ACLY: variants seen among roughly 807,000 people sequenced by gnomAD.
ACLY encodes the protein ATP citrate lyase, also known as ATP-citrate synthase.
In ACLY, 41 loss-of-function variants were observed where a neutral mutation model predicts 133.0. The ratio of observed to expected loss-of-function variants is 0.31; its 90% CI spans 0.24 to 0.40. The LOEUF is 0.40. Ranked by LOEUF, ACLY falls within the 10% of genes least tolerant of loss-of-function variation. ACLY has a pLI of 1.00. For missense variants in ACLY, 1,046 were observed against 1,453.8 expected, an observed-to-expected ratio of 0.72 and a Z score of 4.56; for synonymous variants, 495 against 549.3, an observed-to-expected ratio of 0.90 and a Z score of 1.38.
At position 41,907,592 on chromosome 17, in the gene ACLY, A is replaced by G; in HGVS notation, c.617-20T>C. The G allele has an allele frequency of 6.2e-7, 1 of 1,610,496 alleles. No individual in the cohort carries two copies. Among genetic ancestry groups the G allele is most frequent in the Non-Finnish European group, 8.5e-7 (1 of 1,177,006 alleles). Reference sequence around the variant, plus strand: ...TCACTACTTCAAGGGGAGCAGAGGCAATCATCAGACACCGGCTCTGGGTAG... The same window carrying G: ...TCACTACTTCAAGGGGAGCAGAGGCGATCATCAGACACCGGCTCTGGGTAG... On this transcript the variant is annotated intron_variant, in intron 6 of 28. Coordinates refer to ENST00000352035, the MANE Select transcript of ACLY (RefSeq NM_001096.3).
chr17:41,879,243 T>A (rs1555626760), intron 20 of ACLY, among the ~76,000 whole-genome samples: 2 of 151,872 alleles, frequency 1.3e-5, no homozygotes, highest in African/African-American at 4.8e-5. Context: ...GTAGCTAGGA[T>A]TACAGGTGCC....
intron 5 of ACLY, 39 bp downstream of exon 5, chr17:41,909,471 A>G (rs1555633238): frequency 1.2e-6 from 2 of 1,601,364 alleles, no homozygotes; most frequent in African/African-American, 2.7e-5. Flanking sequence ...CGGTCTTCTC[A>G]TCCGAACTGC....
intron 16 of ACLY, among the ~76,000 whole-genome samples, 180 bp downstream of exon 16, chr17:41,892,099 C>T (rs1430303055): frequency 2.0e-5 from 3 of 152,150 alleles, no homozygotes; most frequent in African/African-American, 7.2e-5. Flanking sequence ...TGTCTCCAAC[C>T]ATTTCCACCT....
At chr17:41,876,454 G>A (rs868923342) in intron 22 of ACLY, among the ~76,000 whole-genome samples, 10 of 152,372 alleles carry the variant, frequency 6.6e-5, no homozygotes, top group African/African-American at 2.2e-4. Context: ...TGACAATGGC[G>A]GTTGTGTGGA....
intron 1 of ACLY, among the ~76,000 whole-genome samples, chr17:41,929,412 C>T (rs6503675): frequency 0.72 from 110,013 of 151,992 alleles, 40,417 homozygotes; most frequent in Admixed American, 0.84. Context: ...CTACTTACGT[C>T]TACTGGGCTC....
At chr17:41,905,145 G>C (rs1171521943) in intron 9 of ACLY, among the ~76,000 whole-genome samples, 1 of 152,202 alleles carries the variant, frequency 6.6e-6, no homozygotes, top group Non-Finnish European at 1.5e-5. Context: ...AGGTGGTAAA[G>C]GGGCACTGAG....
intron 11 of ACLY, 41 bp from the exon 12 acceptor site, chr17:41,898,826 A>C: frequency 6.3e-7 from 1 of 1,590,448 alleles, no homozygotes; most frequent in Non-Finnish European, 8.6e-7. Context: ...TCAAGTCTGC[A>C]GATAAGGGCC....
chr17:41,911,241 C>T (rs1214911144), intron 3 of ACLY, among the ~76,000 whole-genome samples: 5 of 152,174 alleles, frequency 3.3e-5, no homozygotes, highest in South Asian at 2.1e-4. Flanking sequence ...TTGCTATTCT[C>T]GAGGCAGCCA....
chr17:41,912,327 G>A, intron 3 of ACLY, 93 bp downstream of exon 3: 1 of 1,504,512 alleles, frequency 6.6e-7, no homozygotes, highest in Non-Finnish European at 9.0e-7. Context: ...AATGAGACTG[G>A]CTGTGGGGGT....
In ACLY at chr17:41,893,304, G is replaced by A. The variant is rs2049268933; in HGVS notation, c.1460-130C>T. ...GTGATGCCTCATCACAACCGTAAAG[G>A]AATGTCAAGAGGACAGAATTCTGAG... On this transcript the variant is annotated intron_variant, in intron 14 of 28. Coordinates refer to ENST00000352035, the MANE Select transcript of ACLY (RefSeq NM_001096.3). The A allele has an allele frequency of 4.6e-6, 5 of 1,078,556 alleles. No individual in the cohort carries two copies. The African/African-American group carries it at 6.5e-5, about 14-fold the overall frequency. 66.8% of individuals were successfully genotyped at this position (1,078,556 alleles called of 1,614,324 possible).
intron 21 of ACLY, 30 bp from the exon 22 acceptor site, chr17:41,878,226 G>T: frequency 6.7e-7 from 1 of 1,495,206 alleles, no homozygotes; most frequent in Non-Finnish European, 9.0e-7. Context: ...AGACATCCAT[G>T]TGGATTTTCT....
upstream of ACLY, among the ~76,000 whole-genome samples, chr17:41,921,656 T>C (rs191589588): frequency 1.3e-5 from 2 of 151,990 alleles, no homozygotes; most frequent in African/African-American, 2.4e-5. Context: ...AGTGAGTCTA[T>C]GTCACTACAA....
In ACLY at chr17:41,907,535, C is replaced by A. The variant is rs543449919; in HGVS notation, c.654G>T (p.Ala218=). 6.2e-7 allele frequency: 1 copy of A among 1,613,932 alleles called. No individual in the cohort carries two copies. The highest frequency in any genetic ancestry group is 1.3e-5 in the African/African-American group (1 of 74,890). The change falls in exon 7 of 29, where the codon GCG becomes GCT. Residue 218 remains alanine, a synonymous_variant. Transcript: ENST00000352035. ...AGTCGGCAGTGGCGTCCACCTTGGC[C>A]GCCAAGTCAAGGACATAGACTCCAT... ...TKDGVYVLDL[A]AKVDATADYI...
intron 18 of ACLY, among the ~76,000 whole-genome samples, chr17:41,885,186 T>C (rs2144272664): frequency 6.6e-6 from 1 of 152,350 alleles, no homozygotes; most frequent in Non-Finnish European, 1.5e-5. Context: ...GGCCTCTTCA[T>C]GTCTTTTGAT....
rs374252025 is a variant in ACLY at position 41,907,481 on chromosome 17, G to A, written c.708C>T (p.Ile236=). ...CCCGCCCGAAGGGGGGAGGGAACTCGATGTCACCCCACTTCACTTTGCAGA... is the reference window on the plus strand; with the variant it reads ...CCCGCCCGAAGGGGGGAGGGAACTCAATGTCACCCCACTTCACTTTGCAGA... The part of the protein sequence containing the change: ...DYICKVKWGD[I]EFPPPFGREA... The change falls in exon 7 of 29, where the codon ATC becomes ATT. Residue 236 remains isoleucine (I), a synonymous_variant. Coordinates refer to ENST00000352035, the MANE Select transcript of ACLY (RefSeq NM_001096.3). 34 of 1,613,554 alleles carry A rather than the reference G, an allele frequency of 2.1e-5. No homozygotes were observed. The African/African-American group carries it at 2.1e-4, about 10-fold the overall frequency.
At chr17:41,878,704 G>C in intron 21 of ACLY, 93 bp downstream of exon 21, 3 of 1,489,208 alleles carry the variant, frequency 2.0e-6, no homozygotes, top group Non-Finnish European at 2.8e-6. Context: ...GAGGGACCAG[G>C]AATACATGAT....
At chr17:41,904,112 C>T (rs148775379) in intron 10 of ACLY, among the ~76,000 whole-genome samples, 12 of 139,088 alleles carry the variant, frequency 8.6e-5, no homozygotes, top group African/African-American at 3.2e-4. Context: ...AGTGAAACTC[C>T]ATGGAAGGAA....
chr17:41,877,103 A>T (rs2048780450), intron 22 of ACLY, among the ~76,000 whole-genome samples: 1 of 151,964 alleles, frequency 6.6e-6, no homozygotes. Flanking sequence ...TTACATTTTT[A>T]TTACAAAAAC....
chr17:41,887,123 C>CAAA (rs2049069419), intron 17 of ACLY, among the ~76,000 whole-genome samples: 1 of 63,624 alleles, frequency 1.6e-5, no homozygotes, highest in African/African-American at 7.0e-5. Flanking sequence ...GACTCCGTCT[C>CAAA]AAAGAAAAAA....
Sources: gnomAD v4.1 joint callset for allele counts (sites outside exome capture counted in the v4.1 genomes callset) on GRCh38, gnomAD v4.1.1 for gene constraint, MANE v1.5 for transcripts, NCBI Gene and HGNC (gene_info 2026-07-23, HGNC 2026-07-21) for gene names.